CLVS1: variants seen among roughly 807,000 people sequenced by gnomAD.
The protein encoded by CLVS1 is clavesin 1, also known as clavesin-1.
CLVS1 carries 10 observed loss-of-function variants against 33.1 expected under a neutral mutation model. The ratio of observed to expected loss-of-function variants is 0.30; its 90% confidence interval spans 0.19 to 0.51. The LOEUF is 0.51. CLVS1 is among the 20% of genes least tolerant of loss of function. CLVS1 has a pLI of 0.97. For synonymous variants in CLVS1, 163 were observed against 166.1 expected (o/e 0.98, Z 0.14); for missense variants, 343 against 433.4 (o/e 0.79, Z 1.85).
chr8:61,210,952 C>CA lies in CLVS1; in HGVS notation c.-152+79102dup, dbSNP rs57419750. Among the ~76,000 whole-genome samples, 110 of 144,312 alleles carry CA rather than the reference C, an allele frequency of 7.6e-4. 1 individual carries two copies. The highest frequency in any genetic ancestry group is 1.9e-3 in the Admixed American group (28 of 14,526). The allele number at this position is 144,312 out of a possible 152,430, so 94.7% of individuals were successfully genotyped here. On this transcript the variant is annotated intron_variant, in intron 2 of 2. Coordinates refer to the CLVS1 transcript ENST00000522621. ...TAGGGAAGAGAGGGAGACTTCCTAC[C>CA]AAAAAAAAAAGGAATCTGGAAGATG...
intron 2 of CLVS1, among the ~76,000 whole-genome samples, chr8:61,181,645 T>G (rs1206392193): frequency 1.3e-5 from 2 of 149,630 alleles, no homozygotes; most frequent in Admixed American, 6.7e-5. Flanking sequence ...TATAGAGCAA[T>G]GGACAGAACA....
the CLVS1 span, among the ~76,000 whole-genome samples, chr8:60,983,925 C>T: frequency 1.3e-5 from 2 of 152,192 alleles, no homozygotes; most frequent in African/African-American, 4.8e-5. Flanking sequence ...CCCACCAACA[C>T]CTGCCCTGCC....
At chr8:61,060,163 C>T (rs1470657400) in intron 1 of CLVS1, among the ~76,000 whole-genome samples, 1 of 152,032 alleles carries the variant, frequency 6.6e-6, no homozygotes, top group East Asian at 1.9e-4. Flanking sequence ...TAGTCCTTAC[C>T]CTAATTAATA....
At chr8:61,456,295 G>T (rs1305629062) in intron 4 of CLVS1, among the ~76,000 whole-genome samples, 1 of 152,084 alleles carries the variant, frequency 6.6e-6, no homozygotes, top group Non-Finnish European at 1.5e-5. Context: ...TGGGTGGAGG[G>T]GTACAAATGT....
At chr8:61,158,212 C>T (rs1156416256) in intron 2 of CLVS1, among the ~76,000 whole-genome samples, 1 of 152,124 alleles carries the variant, frequency 6.6e-6, no homozygotes, top group Non-Finnish European at 1.5e-5. Context: ...GCCAGATCCC[C>T]CATCCCTAAA....
intron 5 of CLVS1, among the ~76,000 whole-genome samples, chr8:61,461,391 A>G (rs939851918): frequency 6.6e-6 from 1 of 152,220 alleles, no homozygotes; most frequent in African/African-American, 2.4e-5. Context: ...TTGCTCTGAT[A>G]GAGGTTCTTG....
chr8:61,211,306 C>T (rs1377356240), intron 2 of CLVS1, among the ~76,000 whole-genome samples: 1 of 151,920 alleles, frequency 6.6e-6, no homozygotes, highest in Non-Finnish European at 1.5e-5. Context: ...GCTCCTCCTT[C>T]TCCCTCTTCC....
chr8:61,487,905 T>C (rs1242448021), intron 5 of CLVS1, among the ~76,000 whole-genome samples: 1 of 152,212 alleles, frequency 6.6e-6, no homozygotes, highest in Non-Finnish European at 1.5e-5. Context: ...ACTTCTGGCA[T>C]TTTTCTACCT....
the CLVS1 span, among the ~76,000 whole-genome samples, chr8:61,008,179 T>C: frequency 6.6e-6 from 1 of 152,112 alleles, no homozygotes; most frequent in Admixed American, 6.6e-5. Context: ...TGTTTTGCCA[T>C]CATCCCTGAA....
intron 5 of CLVS1, among the ~76,000 whole-genome samples, chr8:61,492,562 A>G (rs2640237): frequency 0.17 from 26,265 of 152,110 alleles, 2,443 homozygotes; most frequent in African/African-American, 0.25. Context: ...TGGGCAGTCA[A>G]TGTCCAAGCC....
At chr8:61,212,239 C>A (rs1398758845) in intron 2 of CLVS1, among the ~76,000 whole-genome samples, 1 of 152,186 alleles carries the variant, frequency 6.6e-6, no homozygotes, top group African/African-American at 2.4e-5. Flanking sequence ...GAGGAACTCC[C>A]AGAAAGCTTT....
chr8:61,375,923 A>T (rs1813621684), intron 2 of CLVS1, among the ~76,000 whole-genome samples: 1 of 152,170 alleles, frequency 6.6e-6, no homozygotes, highest in Non-Finnish European at 1.5e-5. Flanking sequence ...AGAACTGGAG[A>T]GCTGTCATTC....
chr8:61,299,681 C>G lies in CLVS1; in HGVS notation c.-147C>G, dbSNP rs1479376074. 4 of 599,436 alleles carry G rather than the reference C, an allele frequency of 6.7e-6. No homozygotes were observed. The highest frequency in any genetic ancestry group is 1.2e-5 in the Non-Finnish European group (4 of 340,312). 37.1% of individuals were successfully genotyped at this position (599,436 alleles called of 1,614,324 possible). On this transcript the variant is annotated 5_prime_UTR_variant, in exon 2 of 6. Transcript: ENST00000325897. ...TTGTGTGTATTTGTTTTTCAGTAAG[C>G]AATGGCCTCAGTTTTGCTTCTGTTT...
At chr8:61,496,836 C>T (rs1804284118) in intron 5 of CLVS1, among the ~76,000 whole-genome samples, 1 of 152,196 alleles carries the variant, frequency 6.6e-6, no homozygotes, top group Non-Finnish European at 1.5e-5. Context: ...TAGCTAAACG[C>T]TTCTGTGGCC....
At chr8:61,284,557 G>A (rs193138633), upstream of CLVS1, among the ~76,000 whole-genome samples, 1 of 152,316 alleles carries the variant, frequency 6.6e-6, no homozygotes, top group African/African-American at 2.4e-5. Context: ...TTAGTGAGAA[G>A]TGGGTAAAGA....
intron 2 of CLVS1, among the ~76,000 whole-genome samples, chr8:61,195,430 T>G (rs987670829): frequency 6.6e-6 from 1 of 152,032 alleles, no homozygotes; most frequent in Non-Finnish European, 1.5e-5. Context: ...TTTTCTTACT[T>G]AATATATTGT....
chr8:61,423,460 T>C (rs941938580), intron 3 of CLVS1, among the ~76,000 whole-genome samples: 54 of 152,210 alleles, frequency 3.5e-4, no homozygotes, highest in African/African-American at 1.2e-3. Flanking sequence ...AAATATTATA[T>C]AGGGATTTCT....
chr8:61,490,987 AG>A (rs1446177997), intron 5 of CLVS1, among the ~76,000 whole-genome samples: 63 of 151,896 alleles, frequency 4.1e-4, no homozygotes, highest in African/African-American at 1.4e-3. Context: ...AAAAAAAGAA[AG>A]AAAGAAATTA....
At chr8:61,240,794 G>T (rs1808681941) in intron 2 of CLVS1, among the ~76,000 whole-genome samples, 1 of 151,472 alleles carries the variant, frequency 6.6e-6, no homozygotes, top group Non-Finnish European at 1.5e-5. Context: ...AATCTACAGT[G>T]CAACATTAAA....
Sources: gnomAD v4.1 joint callset for allele counts (sites outside exome capture counted in the v4.1 genomes callset) on GRCh38, gnomAD v4.1.1 for gene constraint, MANE v1.5 for transcripts, NCBI Gene and HGNC (gene_info 2026-07-23, HGNC 2026-07-21) for gene names.